Variants in CACNA2D3 observed in about 807,000 individuals in gnomAD.
CACNA2D3 encodes the protein voltage-dependent calcium channel subunit alpha-2/delta-3.
Under a neutral mutation model 160.6 loss-of-function variants are expected in CACNA2D3, and 60 were observed. That is an observed-to-expected ratio of 0.37 (90% CI 0.30 to 0.46). The LOEUF is 0.46. CACNA2D3 is among the 20% of genes least tolerant of loss of function. The probability of loss-of-function intolerance (pLI) is 1.00; values close to 1 mark genes in which losing one functional copy is unlikely to be tolerated. For missense variants in CACNA2D3, 1,205 were observed against 1,365.0 expected (o/e 0.88, Z 1.85); for synonymous variants, 558 against 492.9 (o/e 1.13, Z -1.75).
chr3:54,807,597 A>G (rs1179301601), intron 13 of CACNA2D3, among the ~76,000 whole-genome samples: 1 of 151,702 alleles, frequency 6.6e-6, no homozygotes, highest in African/African-American at 2.4e-5. Flanking sequence ...ACACTTTGAC[A>G]CTGTTGGTGG....
chr3:54,890,273 G>C lies in CACNA2D3; in HGVS notation c.2151-1082G>C, dbSNP rs927553483. Among the ~76,000 whole-genome samples the C allele has an allele frequency of 4.6e-4, 70 of 152,102 alleles. 1 individual carries two copies. Among genetic ancestry groups the C allele is most frequent in the Non-Finnish European group, 1.6e-4 (11 of 68,006 alleles). ...GCACTTTGGGAGGCCGAGGTGGGCAGATCACAATGGCAGGAGATCGAGACC... is the reference window on the plus strand; with the variant it reads ...GCACTTTGGGAGGCCGAGGTGGGCACATCACAATGGCAGGAGATCGAGACC... On this transcript the variant is annotated intron_variant, in intron 24 of 37. Coordinates refer to ENST00000474759, the MANE Select transcript of CACNA2D3 (RefSeq NM_018398.3).
At chr3:54,988,445 A>G (rs930041259) in intron 31 of CACNA2D3, among the ~76,000 whole-genome samples, 1 of 152,194 alleles carries the variant, frequency 6.6e-6, no homozygotes, top group Non-Finnish European at 1.5e-5. Context: ...ATCCCATGAG[A>G]TCGGGTGTTA....
intron 35 of CACNA2D3, among the ~76,000 whole-genome samples, chr3:55,060,291 A>ACTAT (rs1704474756): frequency 6.6e-6 from 1 of 152,280 alleles, no homozygotes; most frequent in Admixed American, 6.5e-5. Context: ...TTAGGTAAAG[A>ACTAT]CTATCATACA....
intron 3 of CACNA2D3, among the ~76,000 whole-genome samples, chr3:54,378,597 C>G (rs763534217): frequency 7.2e-5 from 11 of 152,216 alleles, no homozygotes; most frequent in Non-Finnish European, 1.3e-4. Flanking sequence ...TACCTCAGAA[C>G]TGAAGGGTCC....
At chr3:54,549,588 G>A (rs370164703) in intron 5 of CACNA2D3, among the ~76,000 whole-genome samples, 6 of 152,170 alleles carry the variant, frequency 3.9e-5, no homozygotes, top group African/African-American at 7.2e-5. Flanking sequence ...GTGTAGTGAC[G>A]TGTGATGCTG....
At chr3:54,452,906 T>G (rs888912091) in intron 4 of CACNA2D3, among the ~76,000 whole-genome samples, 13 of 152,124 alleles carry the variant, frequency 8.5e-5, no homozygotes, top group African/African-American at 3.1e-4. Flanking sequence ...TCCCTCTCCA[T>G]GTGGTCATCT....
intron 3 of CACNA2D3, among the ~76,000 whole-genome samples, chr3:54,352,205 G>T (rs1167806393): frequency 6.6e-6 from 1 of 152,130 alleles, no homozygotes. Flanking sequence ...CTCCCTCTCT[G>T]CCCATCACTG....
intron 8 of CACNA2D3, among the ~76,000 whole-genome samples, chr3:54,576,883 A>C (rs1702592146): frequency 6.6e-6 from 1 of 152,130 alleles, no homozygotes; most frequent in Admixed American, 6.5e-5. Context: ...ATAATAATAA[A>C]AAAATTAGCT....
At chr3:55,028,906 C>T (rs1703622388) in intron 35 of CACNA2D3, among the ~76,000 whole-genome samples, 2 of 152,196 alleles carry the variant, frequency 1.3e-5, no homozygotes, top group South Asian at 4.1e-4. Flanking sequence ...TTTCTTCTCT[C>T]ATCGCTTCTC....
chr3:54,819,749 G>A (rs993582311), intron 14 of CACNA2D3, among the ~76,000 whole-genome samples: 2 of 152,236 alleles, frequency 1.3e-5, no homozygotes, highest in South Asian at 2.1e-4. Flanking sequence ...AGAGGCTGGG[G>A]CAGGAGAATT....
chr3:54,321,348 T>G (rs1172292480), intron 3 of CACNA2D3, among the ~76,000 whole-genome samples: 4 of 151,302 alleles, frequency 2.6e-5, no homozygotes, highest in Non-Finnish European at 5.9e-5. Context: ...TTAAGAGATG[T>G]GTTGCCCAGG....
At chr3:54,227,576 G>A (rs1486651397) in intron 2 of CACNA2D3, among the ~76,000 whole-genome samples, 2 of 149,108 alleles carry the variant, frequency 1.3e-5, no homozygotes, top group Non-Finnish European at 3.0e-5. Flanking sequence ...GGGCGGGGGG[G>A]CAGAGTCTCG....
At chr3:54,559,597 CT>C (rs1166024740) in intron 5 of CACNA2D3, among the ~76,000 whole-genome samples, 1 of 152,136 alleles carries the variant, frequency 6.6e-6, no homozygotes, top group Non-Finnish European at 1.5e-5. Flanking sequence ...CTGGCTTCAA[CT>C]TTTATTTTTA....
At chr3:54,906,785 A>G (rs557794966) in intron 27 of CACNA2D3, among the ~76,000 whole-genome samples, 29 of 152,232 alleles carry the variant, frequency 1.9e-4, no homozygotes, top group South Asian at 6.2e-4. Flanking sequence ...CTATGCAGGG[A>G]CAGAAGCAGG....
intron 35 of CACNA2D3, among the ~76,000 whole-genome samples, chr3:55,063,357 G>A (rs995262496): frequency 6.7e-6 from 1 of 149,832 alleles, no homozygotes; most frequent in Non-Finnish European, 1.5e-5. Flanking sequence ...TCTCAGCCTT[G>A]AAGGATGTTG....
chr3:54,665,617 T>C (rs773040554), intron 11 of CACNA2D3, among the ~76,000 whole-genome samples: 1 of 152,102 alleles, frequency 6.6e-6, no homozygotes, highest in Non-Finnish European at 1.5e-5. Flanking sequence ...TGCTCCTGAA[T>C]GCATTAGACG....
chr3:54,611,797 G>GA (rs373361045), intron 9 of CACNA2D3, among the ~76,000 whole-genome samples: 29 of 149,044 alleles, frequency 1.9e-4, no homozygotes, highest in East Asian at 9.8e-4. Context: ...AGAGAAGAGT[G>GA]AAAAAAAAAA....
chr3:54,309,794 T>G (rs1423934294), intron 2 of CACNA2D3, among the ~76,000 whole-genome samples: 1 of 152,062 alleles, frequency 6.6e-6, no homozygotes, highest in Non-Finnish European at 1.5e-5. Flanking sequence ...ATTGGTTCAT[T>G]TCCATGCTTC....
At chr3:54,581,063 A>T (rs77887511) in intron 8 of CACNA2D3, among the ~76,000 whole-genome samples, 38 of 152,328 alleles carry the variant, frequency 2.5e-4, no homozygotes, top group African/African-American at 9.1e-4. Flanking sequence ...TCATCTGCAC[A>T]GCAATGGGAG....
Sources: gnomAD v4.1 joint callset for allele counts (sites outside exome capture counted in the v4.1 genomes callset) on GRCh38, gnomAD v4.1.1 for gene constraint, MANE v1.5 for transcripts, NCBI Gene and HGNC (gene_info 2026-07-23, HGNC 2026-07-21) for gene names.